Variants in ASPRV1 observed in about 807,000 individuals in gnomAD.
The protein encoded by ASPRV1 is retroviral-like aspartic protease 1.
In ASPRV1, 7 loss-of-function variants were observed where a neutral mutation model predicts 11.0. The ratio of observed to expected loss-of-function variants is 0.64; its 90% CI spans 0.36 to 1.20. ASPRV1 has a LOEUF of 1.20. Ranked by LOEUF, ASPRV1 falls within the 50% of genes most tolerant of loss-of-function variation. The pLI, the probability that ASPRV1 is intolerant of heterozygous loss-of-function variation, is 0.02. For missense variants in ASPRV1, 299 were observed against 320.0 expected (o/e 0.93, Z 0.50); for synonymous variants, 136 against 138.4 (o/e 0.98, Z 0.12).
the ASPRV1 span, among the ~76,000 whole-genome samples, chr2:69,996,397 A>G: frequency 1.3e-5 from 2 of 152,164 alleles, no homozygotes; most frequent in Non-Finnish European, 2.9e-5. Flanking sequence ...GTCTCAAAAA[A>G]AAAATTCAAT....
chr2:70,033,857 T>G, the ASPRV1 span, among the ~76,000 whole-genome samples: 5 of 152,072 alleles, frequency 3.3e-5, no homozygotes, highest in African/African-American at 1.2e-4. Flanking sequence ...AGAATGTGAT[T>G]AAGGAAAGCA....
chr2:69,942,369 T>C, the ASPRV1 span: 1 of 152,178 alleles, frequency 6.6e-6, no homozygotes, highest in Non-Finnish European at 1.5e-5. Context: ...ATGGTTTTTT[T>C]CATTATCAAT....
chr2:70,013,632 G>A, the ASPRV1 span, among the ~76,000 whole-genome samples: 6 of 152,188 alleles, frequency 3.9e-5, no homozygotes, highest in African/African-American at 9.7e-5. Flanking sequence ...GCTCATGCCC[G>A]TAATCCCAGC....
At chr2:69,989,957 C>A in the ASPRV1 span, among the ~76,000 whole-genome samples, 1 of 152,252 alleles carries the variant, frequency 6.6e-6, no homozygotes, top group Admixed American at 6.5e-5. Flanking sequence ...GCACATGGCC[C>A]TTGCCATGGG....
At chr2:70,005,349 C>G in the ASPRV1 span, among the ~76,000 whole-genome samples, 3 of 152,168 alleles carry the variant, frequency 2.0e-5, no homozygotes, top group African/African-American at 7.2e-5. Flanking sequence ...AGTGAGCCAC[C>G]ATGTGCACCC....
the ASPRV1 span, among the ~76,000 whole-genome samples, chr2:69,948,456 A>G: frequency 5.7e-3 from 863 of 152,200 alleles, 5 homozygotes; most frequent in African/African-American, 0.02. Context: ...TCTAGGGATG[A>G]CCCCGTGGTT....
chr2:69,947,962 C>G, the ASPRV1 span, among the ~76,000 whole-genome samples: 1 of 152,048 alleles, frequency 6.6e-6, no homozygotes, highest in African/African-American at 2.4e-5. Flanking sequence ...TTCTCCTCAA[C>G]TGGAGAAAGT....
chr2:70,039,571 CACAA>C, the ASPRV1 span, among the ~76,000 whole-genome samples: 1 of 152,174 alleles, frequency 6.6e-6, no homozygotes, highest in Non-Finnish European at 1.5e-5. Flanking sequence ...CAGTGATTTA[CACAA>C]ACAGCCAGCA....
the ASPRV1 span, among the ~76,000 whole-genome samples, chr2:69,943,686 G>C: frequency 6.6e-6 from 1 of 152,052 alleles, no homozygotes; most frequent in Non-Finnish European, 1.5e-5. Flanking sequence ...TCCATATCAG[G>C]CTCCGTCCTA....
At chr2:69,964,559 AC>A (rs922751277), upstream of ASPRV1, 3 of 269,184 alleles carry the variant, frequency 1.1e-5, no homozygotes, top group African/African-American at 6.7e-5. Context: ...CATGAGCTAA[AC>A]CAGCCAGGGC....
chr2:69,985,018 A>G, the ASPRV1 span, among the ~76,000 whole-genome samples: 1 of 151,908 alleles, frequency 6.6e-6, no homozygotes, highest in Non-Finnish European at 1.5e-5. Flanking sequence ...CACCACGCCC[A>G]GCTAATTTTT....
the ASPRV1 span, chr2:70,086,986 C>T: frequency 6.6e-6 from 1 of 152,248 alleles, no homozygotes; most frequent in African/African-American, 2.4e-5. Context: ...ACCCGCTCCG[C>T]AGGCCTCGCC....
the ASPRV1 span, among the ~76,000 whole-genome samples, chr2:70,005,249 G>A: frequency 2.6e-5 from 4 of 152,024 alleles, no homozygotes; most frequent in East Asian, 1.9e-4. Flanking sequence ...TTGTGGAGAC[G>A]GGGTTTCCCT....
the ASPRV1 span, chr2:70,046,522 G>A: frequency 2.6e-5 from 4 of 152,290 alleles, no homozygotes; most frequent in Admixed American, 6.5e-5. Context: ...GTGCTATGCT[G>A]ACTATAAATC....
chr2:69,965,532 C>G (rs758076898), upstream of ASPRV1, among the ~76,000 whole-genome samples: 3 of 152,212 alleles, frequency 2.0e-5, no homozygotes, highest in Non-Finnish European at 4.4e-5. Flanking sequence ...GGGCCACATT[C>G]AAAGCGGGCA....
the ASPRV1 span, among the ~76,000 whole-genome samples, chr2:70,014,949 C>T: frequency 6.6e-6 from 1 of 152,028 alleles, no homozygotes; most frequent in South Asian, 2.1e-4. Flanking sequence ...AGGGCAAATG[C>T]CTTCATTTTT....
chr2:70,026,873 A>G, the ASPRV1 span, among the ~76,000 whole-genome samples: 2 of 152,166 alleles, frequency 1.3e-5, no homozygotes, highest in Non-Finnish European at 2.9e-5. Context: ...AGGGAACCAC[A>G]AAAGACCCCA....
At chr2:70,083,403 G>T in the ASPRV1 span, 1 of 152,220 alleles carries the variant, frequency 6.6e-6, no homozygotes, top group Non-Finnish European at 1.5e-5. Flanking sequence ...ACTCTGAAAG[G>T]TTTTACGTGA....
chr2:69,961,983 G>T (rs1245880799), upstream of ASPRV1: 6 of 350,612 alleles, frequency 1.7e-5, no homozygotes, highest in East Asian at 9.2e-5. Context: ...AGAGACCGGG[G>T]AAGCCGCCAT....
Sources: allele counts gnomAD v4.1 joint callset (sites outside exome capture counted in the v4.1 genomes callset), GRCh38; gene constraint gnomAD v4.1.1; transcripts MANE v1.5; gene names NCBI Gene and HGNC (gene_info 2026-07-23, HGNC 2026-07-21).